The following ERBB4 variants were observed in gnomAD, a reference collection of about 807,000 sequenced individuals.
The protein encoded by ERBB4 is receptor tyrosine-protein kinase erbB-4.
A neutral mutation model predicts 158.0 loss-of-function variants in ERBB4; 42 were observed. The observed-to-expected ratio is 0.27, with a 90% CI of 0.21 to 0.34. The LOEUF is 0.34. Among genes scored for constraint, ERBB4 ranks in the 10% least tolerant of loss-of-function variants. The probability of loss-of-function intolerance (pLI) is 1.00; values close to 1 mark genes in which losing one functional copy is unlikely to be tolerated. For missense variants in ERBB4, 1,333 were observed against 1,624.1 expected (o/e 0.82, Z 3.08); for synonymous variants, 583 against 558.7 (o/e 1.04, Z -0.61).
chr2:211,555,108 A>G (rs2067201807), intron 20 of ERBB4, among the ~76,000 whole-genome samples: 1 of 152,250 alleles, frequency 6.6e-6, no homozygotes, highest in Non-Finnish European at 1.5e-5. Context: ...TACCAAATTC[A>G]GTCAAGTCCA....
chr2:212,479,889 C>T (rs894276189), intron 1 of ERBB4, among the ~76,000 whole-genome samples: 1 of 152,094 alleles, frequency 6.6e-6, no homozygotes, highest in Admixed American at 6.6e-5. Context: ...TGATTGCTGC[C>T]TAATGGTAGG....
At chr2:212,068,441 C>A (rs2078007206) in intron 2 of ERBB4, among the ~76,000 whole-genome samples, 1 of 152,020 alleles carries the variant, frequency 6.6e-6, no homozygotes, top group South Asian at 2.1e-4. Context: ...ATCCACTAAA[C>A]CTAAACTAAT....
intron 25 of ERBB4, among the ~76,000 whole-genome samples, chr2:211,406,742 C>G (rs2063156177): frequency 6.6e-6 from 1 of 151,670 alleles, no homozygotes; most frequent in Admixed American, 6.6e-5. Context: ...AGATAATAAA[C>G]AAAAAATAGT....
Position 211,567,839 on chromosome 2 carries a change from G to C in ERBB4, c.2302-5751C>G, listed in dbSNP as rs533511350. Among the ~76,000 whole-genome samples, 5 of 151,350 alleles carry C rather than the reference G, an allele frequency of 3.3e-5. No homozygotes were observed. The South Asian group carries it at 1.0e-3, about 32-fold the overall frequency. On this transcript the variant is annotated intron_variant, in intron 19 of 27. Coordinates refer to ENST00000342788, the MANE Select transcript of ERBB4 (RefSeq NM_005235.3). ...TAGCAGATGGCTGGTTTGGAGGATA[G>C]GAGAGTAGATAAAGAAAAGGGAATA...
chr2:212,435,712 A>G (rs1027012631), intron 1 of ERBB4, among the ~76,000 whole-genome samples: 7 of 151,910 alleles, frequency 4.6e-5, no homozygotes, highest in African/African-American at 1.7e-4. Context: ...TAATTTACTC[A>G]TATTTGCCCC....
intron 1 of ERBB4, among the ~76,000 whole-genome samples, chr2:212,350,157 T>A (rs1290047223): frequency 6.6e-6 from 1 of 152,138 alleles, no homozygotes; most frequent in East Asian, 1.9e-4. Flanking sequence ...AGTGCTATAA[T>A]CAAAGTAGAT....
intron 20 of ERBB4, among the ~76,000 whole-genome samples, chr2:211,509,535 T>C (rs2065837893): frequency 6.6e-6 from 1 of 151,978 alleles, no homozygotes; most frequent in Non-Finnish European, 1.5e-5. Flanking sequence ...ATATCAGCCT[T>C]GGCAAAGAAT....
chr2:211,503,893 T>C (rs112295547), intron 20 of ERBB4, among the ~76,000 whole-genome samples: 35 of 152,234 alleles, frequency 2.3e-4, no homozygotes, highest in African/African-American at 7.0e-4. Context: ...GAGAGCCTGG[T>C]TGCAGGATTG....
At chr2:212,371,280 C>T (rs1452120935) in intron 1 of ERBB4, among the ~76,000 whole-genome samples, 8 of 152,180 alleles carry the variant, frequency 5.3e-5, no homozygotes, top group Admixed American at 2.6e-4. Context: ...TCCATTGTTA[C>T]ATTATAACAA....
chr2:211,692,951 G>C (rs914541135), intron 12 of ERBB4, among the ~76,000 whole-genome samples: 5 of 152,076 alleles, frequency 3.3e-5, no homozygotes, highest in African/African-American at 1.2e-4. Context: ...AAATTATAAT[G>C]GGTTAACAAA....
chr2:211,508,961 A>C (rs1180763766), intron 20 of ERBB4, among the ~76,000 whole-genome samples: 1 of 152,036 alleles, frequency 6.6e-6, no homozygotes, highest in African/African-American at 2.4e-5. Context: ...AAAACAAAAA[A>C]AAGAAAATGT....
At chr2:211,567,566 T>C (rs984199241) in intron 19 of ERBB4, among the ~76,000 whole-genome samples, 2 of 152,116 alleles carry the variant, frequency 1.3e-5, no homozygotes, top group Non-Finnish European at 2.9e-5. Flanking sequence ...TGGGGTTACT[T>C]TTGCATTTGA....
chr2:211,792,148 A>G (rs920063879), intron 3 of ERBB4, among the ~76,000 whole-genome samples: 20 of 151,740 alleles, frequency 1.3e-4, no homozygotes, highest in African/African-American at 4.1e-4. Context: ...CTTCTATTGT[A>G]GTTCCTAATT....
At chr2:211,614,800 T>C (rs1402352519) in intron 19 of ERBB4, among the ~76,000 whole-genome samples, 1 of 152,060 alleles carries the variant, frequency 6.6e-6, no homozygotes, top group Non-Finnish European at 1.5e-5. Context: ...AGATACTGCA[T>C]ATCAAATGGA....
intron 6 of ERBB4, among the ~76,000 whole-genome samples, chr2:211,723,677 A>G (rs1279030442): frequency 2.0e-5 from 3 of 152,146 alleles, no homozygotes; most frequent in Non-Finnish European, 4.4e-5. Context: ...TAGAAAACTC[A>G]GTAAGTTTTA....
chr2:212,110,351 A>G (rs1294248110), intron 2 of ERBB4, among the ~76,000 whole-genome samples: 1 of 152,192 alleles, frequency 6.6e-6, no homozygotes, highest in African/African-American at 2.4e-5. Context: ...CTTCTCTTCC[A>G]AGACTTGACT....
intron 14 of ERBB4, among the ~76,000 whole-genome samples, chr2:211,672,789 C>T (rs1418365121): frequency 6.6e-6 from 1 of 152,148 alleles, no homozygotes; most frequent in Non-Finnish European, 1.5e-5. Flanking sequence ...GTCTCAATTT[C>T]CATCCCAAAG....
chr2:212,399,682 T>C (rs2091143989), intron 1 of ERBB4, among the ~76,000 whole-genome samples: 1 of 129,232 alleles, frequency 7.7e-6, no homozygotes, highest in Admixed American at 8.7e-5. Flanking sequence ...CTGGCCAACA[T>C]TGTGAAACCC....
chr2:211,557,741 A>G (rs1482897336), intron 20 of ERBB4, among the ~76,000 whole-genome samples: 2 of 152,192 alleles, frequency 1.3e-5, no homozygotes, highest in Non-Finnish European at 2.9e-5. Flanking sequence ...CAAAAGTACC[A>G]TTCAACCCAG....
Sources: allele counts gnomAD v4.1 joint callset (sites outside exome capture counted in the v4.1 genomes callset), GRCh38; gene constraint gnomAD v4.1.1; transcripts MANE v1.5; gene names NCBI Gene and HGNC (gene_info 2026-07-23, HGNC 2026-07-21).